Variants in ETFB observed in about 807,000 individuals in gnomAD.
The protein encoded by ETFB is electron transfer flavoprotein subunit beta.
In ETFB, 20 loss-of-function variants were observed where a neutral mutation model predicts 25.6. The ratio of observed to expected loss-of-function variants is 0.78; its 90% CI spans 0.55 to 1.14. The LOEUF (loss-of-function observed/expected upper bound fraction) is 1.14, where lower values mean the gene tolerates loss of function less well. Ranked by LOEUF, ETFB falls within the 50% of genes most tolerant of loss-of-function variation. The probability of loss-of-function intolerance (pLI) is 0.00; values close to 1 mark genes in which losing one functional copy is unlikely to be tolerated. For missense variants in ETFB, 286 were observed against 342.6 expected (o/e 0.83, Z 1.30); for synonymous variants, 142 against 146.7 (o/e 0.97, Z 0.23).
intron 1 of ETFB, among the ~76,000 whole-genome samples, chr19:51,359,118 C>T (rs1986158421): frequency 6.6e-6 from 1 of 151,974 alleles, no homozygotes; most frequent in African/African-American, 2.4e-5. Flanking sequence ...GAGGTGCCAC[C>T]TTGCCTTACT....
chr19:51,356,376 C>T (rs1486914584), intron 1 of ETFB: 1 of 152,162 alleles, frequency 6.6e-6, no homozygotes, highest in Non-Finnish European at 1.5e-5. Context: ...ACCCTGCCTA[C>T]ACACACACCA....
At chr19:51,365,069 C>T (rs1986321653) in intron 1 of ETFB, 1 of 152,168 alleles carries the variant, frequency 6.6e-6, no homozygotes, top group African/African-American at 2.4e-5. Flanking sequence ...TGGCACATGC[C>T]TGTAATCCCA....
chr19:51,357,496 T>TC (rs1197450047), intron 1 of ETFB, among the ~76,000 whole-genome samples: 1 of 137,724 alleles, frequency 7.3e-6, no homozygotes. Context: ...CTTTCTTTTT[T>TC]TTTTTTTTTT....
intron 1 of ETFB, chr19:51,365,512 A>T (rs2123619120): frequency 6.5e-6 from 1 of 153,160 alleles, no homozygotes; most frequent in African/African-American, 2.4e-5. Flanking sequence ...GGAAGGACAG[A>T]CATGGACAGA....
At chr19:51,357,711 G>C (rs560420600) in intron 1 of ETFB, among the ~76,000 whole-genome samples, 1 of 151,938 alleles carries the variant, frequency 6.6e-6, no homozygotes, top group African/African-American at 2.4e-5. Flanking sequence ...GGCTGGTCTC[G>C]AACTCCCGAT....
At chr19:51,351,037 T>C (rs1290435000) in intron 3 of ETFB, among the ~76,000 whole-genome samples, 1 of 152,218 alleles carries the variant, frequency 6.6e-6, no homozygotes, top group Non-Finnish European at 1.5e-5. Flanking sequence ...TCCAGGGACA[T>C]GTGGGGCCAC....
chr19:51,347,187 C>G (rs1296476115), intron 4 of ETFB, 129 bp from the exon 5 acceptor site: 2 of 939,372 alleles, frequency 2.1e-6, no homozygotes, highest in African/African-American at 3.2e-5. Flanking sequence ...AATGCAGGGT[C>G]CCATGAGGTT....
chr19:51,361,137 G>T (rs917691152), intron 1 of ETFB, among the ~76,000 whole-genome samples: 20 of 151,898 alleles, frequency 1.3e-4, no homozygotes, highest in Admixed American at 1.3e-3. Flanking sequence ...CGTCATGTTG[G>T]CCAGGCTGGT....
Position 51,346,982 on chromosome 19 carries a change from G to T in ETFB, c.515C>A (p.Thr172Asn). The T allele has an allele frequency of 1.9e-6, 3 of 1,610,964 alleles. No individual in the cohort carries two copies. Among genetic ancestry groups the T allele is most frequent in the Non-Finnish European group, 2.5e-6 (3 of 1,178,804 alleles). ...VEREIDGGLETLRLKLPAVVT... is the reference protein window; with the variant it reads ...VEREIDGGLENLRLKLPAVVT... ...CACAGCTGGCAGCTTCAGGCGCAGG[G>T]TCTCCAGGCCCCCATCGATCTCCCG... The change falls in exon 5 of 6, where the codon ACC becomes AAC. Residue 172 changes from threonine to asparagine, a missense_variant. Thr to Asn is a moderately conservative substitution (Grantham distance 65). Coordinates refer to ENST00000309244, the MANE Select transcript of ETFB (RefSeq NM_001985.3).
intron 4 of ETFB, 175 bp downstream of exon 4, chr19:51,350,154 G>T: frequency 1.5e-6 from 1 of 669,040 alleles, no homozygotes. Context: ...AGGCCCCTTT[G>T]AAGAGGTGAT....
At chr19:51,362,154 GACAC>G (rs777129259) in intron 1 of ETFB, among the ~76,000 whole-genome samples, 1 of 77,774 alleles carries the variant, frequency 1.3e-5, no homozygotes. Flanking sequence ...CACACAGCCG[GACAC>G]ACATACACAC....
chr19:51,356,622 C>G (rs1417226636), intron 1 of ETFB: 1 of 152,186 alleles, frequency 6.6e-6, no homozygotes, highest in African/African-American at 2.4e-5. Flanking sequence ...CTGGGGACAC[C>G]ATCATGTGCC....
At chr19:51,348,388 T>C (rs8102878) in intron 4 of ETFB, 132,400 of 152,264 alleles carry the variant, frequency 0.87, 58,134 homozygotes, top group African/African-American at 0.94. Context: ...TGCACTCCAG[T>C]CTGGGGACAG....
intron 4 of ETFB, 33 bp from the exon 5 acceptor site, chr19:51,347,091 G>GT: frequency 6.2e-7 from 1 of 1,612,702 alleles, no homozygotes; most frequent in Non-Finnish European, 8.5e-7. Flanking sequence ...GAGAGTGGGT[G>GT]AGGCTAATTC....
chr19:51,345,434 C>T (rs1367757800), intron 5 of ETFB, 53 bp from the exon 6 acceptor site: 1 of 1,571,870 alleles, frequency 6.4e-7, no homozygotes. Context: ...GCCACCCTTC[C>T]TGCCACCTCC....
chr19:51,354,822 C>G, intron 1 of ETFB: 1 of 643,124 alleles, frequency 1.6e-6, no homozygotes, highest in East Asian at 2.8e-5. Context: ...AGCTGCCCAG[C>G]ACAGAAGCCT....
intron 3 of ETFB, 59 bp from the exon 4 acceptor site, chr19:51,350,450 G>A (rs1042832534): frequency 2.8e-5 from 26 of 921,972 alleles, no homozygotes; most frequent in Non-Finnish European, 4.6e-5. Context: ...GACCATTCAG[G>A]CCTCTGTCTA....
At chr19:51,354,975 C>G (rs1274964894) in intron 1 of ETFB, 3 of 317,062 alleles carry the variant, frequency 9.5e-6, no homozygotes, top group South Asian at 3.3e-5. Context: ...ACAAGAGAAG[C>G]GGAGCTTTGT....
Position 51,346,999 on chromosome 19 carries a change from G to A in ETFB, c.498C>T (p.Ile166=), listed in dbSNP as rs150636733. 119 of 1,612,574 alleles carry A rather than the reference G, an allele frequency of 7.4e-5. No individual in the cohort carries two copies. The African/African-American group carries it at 8.8e-4, about 12-fold the overall frequency. ...GGCGCAGGGTCTCCAGGCCCCCATCGATCTCCCGCTCCACTTTCAACTTGT... is the reference window on the plus strand; with the variant it reads ...GGCGCAGGGTCTCCAGGCCCCCATCAATCTCCCGCTCCACTTTCAACTTGT... The part of the protein sequence containing the change: ...EGDKLKVERE[I]DGGLETLRLK... The change falls in exon 5 of 6, where the codon ATC becomes ATT. Residue 166 remains isoleucine, a synonymous_variant. Transcript: ENST00000309244.
Sources: gnomAD v4.1 joint callset for allele counts (sites outside exome capture counted in the v4.1 genomes callset) on GRCh38, gnomAD v4.1.1 for gene constraint, MANE v1.5 for transcripts, NCBI Gene and HGNC (gene_info 2026-07-23, HGNC 2026-07-21) for gene names.